KCNMA1: variants seen among roughly 807,000 people sequenced by gnomAD.
The protein encoded by KCNMA1 is Calcium-activated potassium channel subunit alpha-1.
A neutral mutation model predicts 140.0 loss-of-function variants in KCNMA1; 29 were observed. That is an observed-to-expected ratio of 0.21 (90% CI 0.15 to 0.28). The LOEUF (loss-of-function observed/expected upper bound fraction) is 0.28. Ranked by LOEUF, KCNMA1 falls within the 10% of genes least tolerant of loss-of-function variation. The probability of loss-of-function intolerance (pLI) is 1.00; values close to 1 mark genes in which losing one functional copy is unlikely to be tolerated. For missense variants in KCNMA1, 880 were observed against 1,602.2 expected, an observed-to-expected ratio of 0.55 and a Z score of 7.70; for synonymous variants, 612 against 611.9, an observed-to-expected ratio of 1.00 and a Z score of 0.00.
chr10:77,510,243 T>C (rs1175217915), intron 1 of KCNMA1, among the ~76,000 whole-genome samples: 3 of 151,620 alleles, frequency 2.0e-5, no homozygotes, highest in Admixed American at 2.0e-4. Context: ...TTCATAAGTT[T>C]GTAGGGTCTT....
At chr10:77,172,533 A>T (rs748982735) in intron 5 of KCNMA1, among the ~76,000 whole-genome samples, 170 of 152,234 alleles carry the variant, frequency 1.1e-3, no homozygotes, top group Admixed American at 2.6e-3. Context: ...AGCTCCCTGA[A>T]ATACATCCAA....
chr10:77,164,181 TC>T (rs2030617177), intron 5 of KCNMA1, among the ~76,000 whole-genome samples: 1 of 152,182 alleles, frequency 6.6e-6, no homozygotes, highest in East Asian at 1.9e-4. Flanking sequence ...TGATGCATCT[TC>T]CTGAGTGACA....
chr10:77,043,563 G>C (rs2094857036), intron 14 of KCNMA1, among the ~76,000 whole-genome samples: 1 of 152,206 alleles, frequency 6.6e-6, no homozygotes, highest in Admixed American at 6.5e-5. Flanking sequence ...AGCAGCATTA[G>C]TCATAATATC....
At chr10:77,081,195 C>T (rs926998203) in intron 12 of KCNMA1, among the ~76,000 whole-genome samples, 1 of 152,084 alleles carries the variant, frequency 6.6e-6, no homozygotes, top group Non-Finnish European at 1.5e-5. Flanking sequence ...ATGAACTGCG[C>T]GACCTTTAGG....
intron 1 of KCNMA1, among the ~76,000 whole-genome samples, chr10:77,462,226 T>C (rs1409679589): frequency 6.6e-6 from 1 of 151,864 alleles, no homozygotes; most frequent in Non-Finnish European, 1.5e-5. Flanking sequence ...CTCAGATAGA[T>C]GCACACACCT....
rs979997426 is a variant in KCNMA1, at chr10:77,460,042, T to C, written c.379-56019A>G. Among the ~76,000 whole-genome samples, 5 of 152,172 alleles carry C rather than the reference T, an allele frequency of 3.3e-5. No homozygotes were observed. The South Asian group carries it at 8.3e-4, about 25-fold the overall frequency. ...AGACTCTCACAACCTCTCACTTCGG[T>C]CCTTGTAGCTCCAAACCAGCCATAG... is the stretch of plus-strand genomic sequence containing the variant. On this transcript the variant is annotated intron_variant, in intron 1 of 27. Transcript: ENST00000286628.
At chr10:76,877,648 C>T, downstream of KCNMA1, 1 of 1,255,832 alleles carries the variant, frequency 8.0e-7, no homozygotes, top group Non-Finnish European at 1.1e-6. Context: ...CCTAACGTTT[C>T]CACCAGTGAT....
intron 2 of KCNMA1, among the ~76,000 whole-genome samples, chr10:77,399,400 C>A: frequency 6.6e-6 from 1 of 152,036 alleles, no homozygotes. Flanking sequence ...TTAAAAAAAG[C>A]AAACATATAT....
At position 77,181,737 on chromosome 10, in the gene KCNMA1, G is replaced by C. The variant is rs1276160878; in HGVS notation, c.808+1684C>G. 3.9e-5 allele frequency among the ~76,000 whole-genome samples: 6 copies of C among 152,194 alleles called. No homozygotes were observed. In the East Asian group the frequency reaches 1.2e-3, roughly 29 times the overall value. On this transcript the variant is annotated intron_variant, in intron 5 of 27. Coordinates refer to ENST00000286628, the MANE Select transcript of KCNMA1 (RefSeq NM_001161352.2). ...CCTCATCAGGATAAGGAGAAAATAA[G>C]GAGGAATCAGGATACGATACGGAGA... is the stretch of plus-strand genomic sequence containing the variant.
intron 5 of KCNMA1, among the ~76,000 whole-genome samples, chr10:77,123,297 T>C (rs574040657): frequency 4.1e-4 from 62 of 150,780 alleles, no homozygotes; most frequent in African/African-American, 1.5e-3. Context: ...AGTCAAGTGG[T>C]TGTTCAAGAA....
At chr10:77,497,409 G>C (rs148410972) in intron 1 of KCNMA1, among the ~76,000 whole-genome samples, 40 of 152,260 alleles carry the variant, frequency 2.6e-4, no homozygotes, top group African/African-American at 9.4e-4. Flanking sequence ...ACTGGAAGTC[G>C]ATGCCCCTTG....
chr10:77,494,697 C>T (rs1034162853), intron 1 of KCNMA1, among the ~76,000 whole-genome samples: 4 of 152,190 alleles, frequency 2.6e-5, no homozygotes, highest in African/African-American at 9.7e-5. Flanking sequence ...TTGGTGAATT[C>T]GTCTGCTGGG....
intron 1 of KCNMA1, among the ~76,000 whole-genome samples, chr10:77,559,450 C>T (rs901502854): frequency 5.9e-5 from 9 of 152,128 alleles, no homozygotes; most frequent in African/African-American, 1.4e-4. Context: ...CCACACGGGC[C>T]CAGTCAATGG....
chr10:76,957,282 A>G (rs2068779439), intron 20 of KCNMA1, among the ~76,000 whole-genome samples: 1 of 152,150 alleles, frequency 6.6e-6, no homozygotes, highest in South Asian at 2.1e-4. Context: ...AATGGCACCT[A>G]AAACCATGGC....
At chr10:77,467,353 C>T (rs543654060) in intron 1 of KCNMA1, among the ~76,000 whole-genome samples, 6 of 152,154 alleles carry the variant, frequency 3.9e-5, no homozygotes, top group South Asian at 4.1e-4. Context: ...ATGGAAAGTC[C>T]GTCTCCGAAG....
chr10:77,262,167 A>G (rs2062188723), intron 2 of KCNMA1, among the ~76,000 whole-genome samples: 1 of 152,240 alleles, frequency 6.6e-6, no homozygotes, highest in Non-Finnish European at 1.5e-5. Context: ...CAAAGTGTCC[A>G]TGGACAGATG....
intron 1 of KCNMA1, among the ~76,000 whole-genome samples, chr10:77,472,552 TAAAA>T (rs1196256543): frequency 1.3e-5 from 2 of 151,856 alleles, no homozygotes; most frequent in Non-Finnish European, 2.9e-5. Context: ...AATAAAAAAA[TAAAA>T]AGAGAGAGAA....
rs1479599001 is a variant in KCNMA1 at position 77,108,364 on chromosome 10, C to T, written c.1223+117G>A. 7.5e-6 allele frequency: 12 copies of T among 1,594,194 alleles called. No homozygotes were observed. The highest frequency in any genetic ancestry group is 5.2e-5 in the Admixed American group (3 of 58,160). ...GAGAGCAGCAATTTCGGGCACGTAG[C>T]GGGCAAACATTGCCTACATGCATGA... On this transcript the variant is annotated intron_variant, in intron 9 of 27. Coordinates refer to ENST00000286628, the MANE Select transcript of KCNMA1 (RefSeq NM_001161352.2). The surrounding 1 kb of genome is among the most constrained non-coding windows in gnomAD (Gnocchi z 4.6).
At chr10:77,104,490 C>G (rs371038105) in intron 9 of KCNMA1, among the ~76,000 whole-genome samples, 7 of 152,294 alleles carry the variant, frequency 4.6e-5, no homozygotes, top group East Asian at 1.9e-4. Context: ...GACTCATTCC[C>G]CTCTCGTGTG....
Sources: allele counts gnomAD v4.1 joint callset (sites outside exome capture counted in the v4.1 genomes callset), GRCh38; gene constraint gnomAD v4.1.1; non-coding constraint Gnocchi (gnomAD v3.1); transcripts MANE v1.5; gene names NCBI Gene and HGNC (gene_info 2026-07-23, HGNC 2026-07-21).